Variants in TTLL1 observed in about 807,000 individuals in gnomAD.
TTLL1 encodes TTL family tubulin polyglutamylase complex subunit L1.
TTLL1 carries 33 observed loss-of-function variants against 47.8 expected under a neutral mutation model. That is an observed-to-expected ratio of 0.69 (90% confidence interval 0.52 to 0.92). The LOEUF is 0.92. TTLL1 is among the 40% of genes least tolerant of loss of function. The pLI is 0.00. For synonymous variants in TTLL1, 225 were observed against 214.1 expected (o/e 1.05, Z -0.45); for missense variants, 488 against 547.5 (o/e 0.89, Z 1.08).
chr22:43,050,308 C>A (rs1926514981), intron 9 of TTLL1, among the ~76,000 whole-genome samples: 1 of 141,256 alleles, frequency 7.1e-6, no homozygotes, highest in African/African-American at 2.6e-5. Flanking sequence ...CCCAGCTACT[C>A]AGGAGGCTGA....
At chr22:43,060,086 G>A (rs898363293) in intron 7 of TTLL1, among the ~76,000 whole-genome samples, 4 of 152,146 alleles carry the variant, frequency 2.6e-5, no homozygotes, top group South Asian at 4.1e-4. Context: ...GCAATGGCAC[G>A]ATCTCGGCTT....
At chr22:43,050,465 T>C (rs781428612) in intron 9 of TTLL1, among the ~76,000 whole-genome samples, 6 of 150,388 alleles carry the variant, frequency 4.0e-5, no homozygotes, top group Non-Finnish European at 8.9e-5. Flanking sequence ...ATTAAGATCC[T>C]AGGTCATCCA....
intron 10 of TTLL1, among the ~76,000 whole-genome samples, chr22:43,040,582 A>T (rs770862079): frequency 6.6e-6 from 1 of 152,084 alleles, no homozygotes; most frequent in Non-Finnish European, 1.5e-5. Flanking sequence ...GGTAGCTGGG[A>T]TCATAGGTGC....
In TTLL1 at chr22:43,046,344, G is replaced by A. The variant is rs1601654004; in HGVS notation, c.1142+66C>T. On this transcript the variant is annotated intron_variant, in intron 10 of 10. Transcript: ENST00000266254. The stretch of plus-strand genomic sequence containing the variant: ...AATCCACATATGCCCAGAAATCCAA[G>A]CTGGGCTATGGCACACGCCATTCGG... 4 of 1,571,334 alleles carry A rather than the reference G, an allele frequency of 2.5e-6. No homozygotes were observed. In the East Asian group the frequency reaches 6.8e-5, roughly 27 times the overall value.
intron 5 of TTLL1, among the ~76,000 whole-genome samples, chr22:43,065,646 G>A (rs952424037): frequency 2.6e-5 from 4 of 151,802 alleles, no homozygotes; most frequent in Non-Finnish European, 2.9e-5. Context: ...GCAGTGGTGC[G>A]ATCACAGCTC....
chr22:43,059,356 C>T, intron 8 of TTLL1, 28 bp downstream of exon 8: 1 of 1,588,926 alleles, frequency 6.3e-7, no homozygotes, highest in Non-Finnish European at 8.6e-7. Flanking sequence ...GCCCTGGGAG[C>T]CGGCTCCCCC....
chr22:43,079,423 C>T (rs1042411480), intron 2 of TTLL1, among the ~76,000 whole-genome samples: 2 of 151,556 alleles, frequency 1.3e-5, no homozygotes, highest in Admixed American at 6.7e-5. Flanking sequence ...GATTCCACAC[C>T]CCTCACACCC....
In TTLL1 at chr22:43,073,128, G is replaced by A. The variant is rs370989447; in HGVS notation, c.113+2346C>T. 8.8e-4 allele frequency among the ~76,000 whole-genome samples: 131 copies of A among 149,648 alleles called. 1 individual carries two copies. The highest frequency in any genetic ancestry group is 3.2e-3 in the African/African-American group (128 of 40,622). ...CTCCTGGGTTCAAGCAATTCTCCCT[G>A]CCTCAGCCTCTCAAGTAGCTGGGAT... is the stretch of plus-strand genomic sequence containing the variant. On this transcript the variant is annotated intron_variant, in intron 3 of 10. Transcript: ENST00000266254.
chr22:43,045,470 ATTTT>A (rs57003421), intron 10 of TTLL1, among the ~76,000 whole-genome samples: 1 of 107,976 alleles, frequency 9.3e-6, no homozygotes, highest in Non-Finnish European at 1.8e-5. Flanking sequence ...TATTATACCC[ATTTT>A]TTTTTTTTTT....
At chr22:43,060,361 C>T (rs1176261364) in intron 7 of TTLL1, among the ~76,000 whole-genome samples, 1 of 151,332 alleles carries the variant, frequency 6.6e-6, no homozygotes, top group African/African-American at 2.5e-5. Context: ...CAGGTGTCAG[C>T]CCCTGCTCCC....
rs1209026842 is a variant in TTLL1 at position 43,069,708 on chromosome 22, A to G, written c.250T>C (p.Tyr84His). Residue 84 changes from tyrosine (Y) to histidine (H), a missense_variant, in exon 4 of 11, where the codon TAC becomes CAC. Physicochemically the swap from Tyr to His is moderately conservative, Grantham distance 83 (BLOSUM62 2). Coordinates refer to ENST00000266254, the MANE Select transcript of TTLL1 (RefSeq NM_012263.5). ...CCTTCTTTCTCCAGCTCCTTCCTGT[A>G]TCTTTTGATGTTCTTCACCATCAGG... Reference protein sequence around the residue: ...KDLMVKNIKRYRKELEKEGSP... With the variant: ...KDLMVKNIKRHRKELEKEGSP... The G allele has an allele frequency of 6.2e-7, 1 of 1,614,106 alleles. No individual in the cohort carries two copies. Among genetic ancestry groups the G allele is most frequent in the South Asian group, 1.1e-5 (1 of 91,080 alleles).
In TTLL1 at chr22:43,070,160, A is replaced by G. The variant is rs759282118; in HGVS notation, c.114-316T>C. On this transcript the variant is annotated intron_variant, in intron 3 of 10. Coordinates refer to ENST00000266254, the MANE Select transcript of TTLL1 (RefSeq NM_012263.5). ...ATTAATGATAACACTGTCAACAAAT[A>G]AAAGATATACCCTTTTCAGACTCTG... 1.5e-3 allele frequency: 2,144 copies of G among 1,406,522 alleles called. 4 individuals are homozygous for G. The highest frequency in any genetic ancestry group is 2.0e-3 in the Non-Finnish European group (2,085 of 1,053,548). 87.1% of individuals were successfully genotyped at this position (1,406,522 alleles called of 1,614,324 possible).
At chr22:43,050,503 GT>G (rs987971914) in intron 9 of TTLL1, among the ~76,000 whole-genome samples, 2 of 121,950 alleles carry the variant, frequency 1.6e-5, no homozygotes, top group African/African-American at 4.3e-5. Flanking sequence ...AGTCACTCTG[GT>G]TTTTTTTTGT....
chr22:43,055,633 TTAAAAA>T (rs923539322), intron 8 of TTLL1, among the ~76,000 whole-genome samples: 1 of 151,754 alleles, frequency 6.6e-6, no homozygotes, highest in African/African-American at 2.4e-5. Context: ...ATTCGGCTAA[TTAAAAA>T]TAATTTTTTT....
chr22:43,067,818 T>A (rs530029949), intron 5 of TTLL1, among the ~76,000 whole-genome samples: 5 of 151,824 alleles, frequency 3.3e-5, no homozygotes, highest in Non-Finnish European at 7.4e-5. Context: ...TCTCTTTCTT[T>A]TTTTTAGACA....
intron 10 of TTLL1, among the ~76,000 whole-genome samples, chr22:43,042,620 G>A (rs1925776214): frequency 6.6e-6 from 1 of 152,222 alleles, no homozygotes; most frequent in Non-Finnish European, 1.5e-5. Flanking sequence ...ATGCTGCTGG[G>A]CTCTGAGGAG....
intron 1 of TTLL1, among the ~76,000 whole-genome samples, chr22:43,087,020 G>T (rs1019734949): frequency 1.3e-5 from 2 of 152,108 alleles, no homozygotes; most frequent in Admixed American, 6.6e-5. Flanking sequence ...TTTAGCCCCT[G>T]GCCTTCTTTC....
At chr22:43,061,459 C>T (rs576835674) in intron 7 of TTLL1, among the ~76,000 whole-genome samples, 1 of 152,204 alleles carries the variant, frequency 6.6e-6, no homozygotes, top group Non-Finnish European at 1.5e-5. Flanking sequence ...AGTCCAGCCT[C>T]GTCTGACCAA....
chr22:43,042,970 C>T (rs915262050), intron 10 of TTLL1, among the ~76,000 whole-genome samples: 2 of 134,066 alleles, frequency 1.5e-5, no homozygotes, highest in South Asian at 2.4e-4. Context: ...GGCAGACTTT[C>T]GCTGTGTCGC....
Sources: gnomAD v4.1 joint callset for allele counts (sites outside exome capture counted in the v4.1 genomes callset) on GRCh38, gnomAD v4.1.1 for gene constraint, MANE v1.5 for transcripts, NCBI Gene and HGNC (gene_info 2026-07-23, HGNC 2026-07-21) for gene names.